The following FMN2 variants were observed in gnomAD, a reference collection of about 807,000 sequenced individuals.
FMN2 encodes the protein formin-2.
In FMN2, 51 loss-of-function variants were observed where a neutral mutation model predicts 142.3. The observed-to-expected ratio is 0.36, with a 90% CI of 0.29 to 0.45. The LOEUF is 0.45. Ranked by LOEUF, FMN2 falls within the 20% of genes least tolerant of loss-of-function variation. The probability of loss-of-function intolerance (pLI) is 1.00; values close to 1 mark genes in which losing one functional copy is unlikely to be tolerated. For synonymous variants in FMN2, 882 were observed against 869.8 expected (o/e 1.01, Z -0.25); for missense variants, 1,936 against 2,122.8 (o/e 0.91, Z 1.73).
chr1:240,189,304 ACT>A (rs1375365135), intron 4 of FMN2, among the ~76,000 whole-genome samples: 1 of 152,216 alleles, frequency 6.6e-6, no homozygotes, highest in Non-Finnish European at 1.5e-5. Flanking sequence ...TTTGTCAGTA[ACT>A]TAGTATTAGA....
At position 240,290,844 on chromosome 1, in the gene FMN2, A is replaced by G. The variant is rs779149840; in HGVS notation, c.4154-3978A>G. Among the ~76,000 whole-genome samples, 116 of 130,976 alleles carry G rather than the reference A, an allele frequency of 8.9e-4. 2 individuals are homozygous for G. The highest frequency in any genetic ancestry group is 5.5e-3 in the Admixed American group (61 of 11,020). The allele number at this position is 130,976 out of a possible 152,430, so 85.9% of individuals were successfully genotyped here. A position where few individuals can be genotyped will look rare whatever the true frequency, so the allele number is the denominator to read the frequency against. On this transcript the variant is annotated intron_variant, in intron 7 of 17. Transcript: ENST00000319653. ...CTGGCTCTGTCACCCAGGCTGGAGT[A>G]CAGAGGCATGATCTTGGCTCACGTA...
intron 2 of FMN2, among the ~76,000 whole-genome samples, chr1:240,159,974 TACACAC>T (rs1185408892): frequency 6.0e-5 from 8 of 134,076 alleles, no homozygotes; most frequent in South Asian, 2.4e-4. Context: ...TATATATATA[TACACAC>T]ACACACACAC....
intron 2 of FMN2, among the ~76,000 whole-genome samples, chr1:240,136,241 TGA>T (rs1393954853): frequency 6.6e-6 from 1 of 152,038 alleles, no homozygotes; most frequent in Non-Finnish European, 1.5e-5. Context: ...GCAAAACGGG[TGA>T]TGTTTTTCCC....
At position 240,093,479 on chromosome 1, in the gene FMN2, C is replaced by G. The variant is rs748222847; in HGVS notation, c.1370C>G (p.Thr457Ser). 1.2e-6 allele frequency: 2 copies of G among 1,605,760 alleles called. No homozygotes were observed. Among genetic ancestry groups the G allele is most frequent in the South Asian group, 2.2e-5 (2 of 90,286 alleles). ...CCCTCCCTGAGCCGAGGGTCCAGAA[C>G]TGCCCTGGCCTCCGTAGCCGCCCCG... ...PEPSLSRGSR[T>S]ALASVAAPAK... is the part of the protein sequence containing the mutation. Residue 457 changes from threonine (T) to serine (S), a missense_variant, in exon 1 of 18, where the codon ACT becomes AGT. By Grantham distance (58) the Thr-to-Ser change is moderately conservative. Around this residue, in one of 8 missense-constraint regions of FMN2, gnomAD observed 751 missense variants for 791.8 expected, o/e 0.95. Transcript: ENST00000319653.
At chr1:240,160,098 G>A (rs2103290755) in intron 2 of FMN2, among the ~76,000 whole-genome samples, 1 of 150,184 alleles carries the variant, frequency 6.7e-6, no homozygotes, top group Middle Eastern at 3.4e-3. Flanking sequence ...CTGGACTCAG[G>A]TAGTTTCATT....
At chr1:240,144,596 C>T (rs993353735) in intron 2 of FMN2, 44 of 1,334,362 alleles carry the variant, frequency 3.3e-5, no homozygotes, top group Middle Eastern at 1.8e-4. Flanking sequence ...TTTAGGAAAG[C>T]GGCTAAACTT....
intron 14 of FMN2, among the ~76,000 whole-genome samples, chr1:240,380,535 A>G (rs1009371731): frequency 6.6e-6 from 1 of 152,154 alleles, no homozygotes; most frequent in Non-Finnish European, 1.5e-5. Flanking sequence ...GTGGGAAAAT[A>G]TTTCCACTTT....
At position 240,109,056 on chromosome 1, in the gene FMN2, A is replaced by C. The variant is rs539984973; in HGVS notation, c.1616-14123A>C. 3.2e-3 allele frequency among the ~76,000 whole-genome samples: 482 copies of C among 152,252 alleles called. 4 individuals are homozygous for C. The highest frequency in any genetic ancestry group is 0.021 in the South Asian group (101 of 4,826). The stretch of plus-strand genomic sequence containing the variant: ...GTCTCAAAAACACCCCAAAAAACCC[A>C]AAAAACCCACATGCACACAAGGAAA... On this transcript the variant is annotated intron_variant, in intron 1 of 17. Coordinates refer to ENST00000319653, the MANE Select transcript of FMN2 (RefSeq NM_020066.5).
intron 7 of FMN2, among the ~76,000 whole-genome samples, chr1:240,269,075 TC>T (rs1459815303): frequency 1.3e-5 from 2 of 152,064 alleles, no homozygotes; most frequent in Non-Finnish European, 2.9e-5. Flanking sequence ...TTGTCTATTT[TC>T]TACTTTCATT....
At chr1:240,234,075 T>C (rs1252746681) in intron 6 of FMN2, among the ~76,000 whole-genome samples, 1 of 152,220 alleles carries the variant, frequency 6.6e-6, no homozygotes, top group African/African-American at 2.4e-5. Context: ...GATAAGGTAT[T>C]TTAAACTCAT....
intron 15 of FMN2, among the ~76,000 whole-genome samples, chr1:240,414,798 A>C (rs925607348): frequency 6.6e-6 from 1 of 152,230 alleles, no homozygotes; most frequent in African/African-American, 2.4e-5. Context: ...GTAAGCTTAT[A>C]AAAATCTACT....
intron 2 of FMN2, among the ~76,000 whole-genome samples, chr1:240,139,869 G>A (rs1384651398): frequency 2.0e-5 from 3 of 152,280 alleles, no homozygotes; most frequent in Middle Eastern, 3.4e-3. Flanking sequence ...GAAGGTATCA[G>A]CCTAAAGGGG....
At chr1:240,137,447 A>G (rs1239284871) in intron 2 of FMN2, among the ~76,000 whole-genome samples, 1 of 152,234 alleles carries the variant, frequency 6.6e-6, no homozygotes, top group Non-Finnish European at 1.5e-5. Flanking sequence ...TTTGTATTAC[A>G]AAACAGAGCA....
intron 2 of FMN2, among the ~76,000 whole-genome samples, chr1:240,146,911 T>C (rs1162576958): frequency 6.6e-6 from 1 of 152,026 alleles, no homozygotes; most frequent in African/African-American, 2.4e-5. Flanking sequence ...AATTTCAGAC[T>C]CATTTTGGAG....
intron 2 of FMN2, among the ~76,000 whole-genome samples, chr1:240,154,222 C>A (rs985507143): frequency 6.6e-6 from 1 of 150,538 alleles, no homozygotes; most frequent in Non-Finnish European, 1.5e-5. Flanking sequence ...AGGGAGCAGA[C>A]AGACAATGCA....
intron 8 of FMN2, among the ~76,000 whole-genome samples, chr1:240,318,552 A>G (rs1670866932): frequency 6.6e-6 from 1 of 152,176 alleles, no homozygotes. Flanking sequence ...GTCGTTGGCC[A>G]GTCTGCCTTC....
chr1:240,219,687 C>T lies in FMN2; in HGVS notation c.4065+8452C>T, dbSNP rs1432371532. Among the ~76,000 whole-genome samples, 5 of 151,726 alleles carry T rather than the reference C, an allele frequency of 3.3e-5. No individual in the cohort carries two copies. In the East Asian group the frequency reaches 9.6e-4, roughly 29 times the overall value. ...TATTTTTTTTTGAGACGGGGTCTCACTCTGTCTCCCAGGCTGGAGTACTGT... is the reference window on the plus strand; with the variant it reads ...TATTTTTTTTTGAGACGGGGTCTCATTCTGTCTCCCAGGCTGGAGTACTGT... On this transcript the variant is annotated intron_variant, in intron 6 of 17. Coordinates refer to ENST00000319653, the MANE Select transcript of FMN2 (RefSeq NM_020066.5).
intron 15 of FMN2, among the ~76,000 whole-genome samples, chr1:240,409,044 T>G (rs1178652912): frequency 7.9e-5 from 12 of 152,210 alleles, no homozygotes; most frequent in Non-Finnish European, 1.5e-4. Flanking sequence ...CTCTCAACTG[T>G]ATTTGAAATA....
intron 2 of FMN2, among the ~76,000 whole-genome samples, chr1:240,175,011 C>A (rs910038941): frequency 6.6e-6 from 1 of 152,166 alleles, no homozygotes; most frequent in Non-Finnish European, 1.5e-5. Flanking sequence ...TCCGGGCAAC[C>A]ACCATTTGAC....
Sources: gnomAD v4.1 joint callset for allele counts (sites outside exome capture counted in the v4.1 genomes callset) on GRCh38, gnomAD v4.1.1 for gene constraint, gnomAD v4.1.1 regional missense constraint, MANE v1.5 for transcripts, NCBI Gene and HGNC (gene_info 2026-07-23, HGNC 2026-07-21) for gene names.